Variants in LRRC70 observed in about 807,000 individuals in gnomAD.
The protein encoded by LRRC70 is leucine rich repeat containing 70.
Under a neutral mutation model 42.4 loss-of-function variants are expected in LRRC70, and 31 were observed. That is an observed-to-expected ratio of 0.73 (90% confidence interval 0.55 to 0.99). The LOEUF (loss-of-function observed/expected upper bound fraction) is 0.99, where lower values mean the gene tolerates loss of function less well. Among genes scored for constraint, LRRC70 ranks in the 50% least tolerant of loss-of-function variants. LRRC70 has a pLI of 0.00. For synonymous variants in LRRC70, 270 were observed against 262.9 expected, an observed-to-expected ratio of 1.03 and a Z score of -0.26; for missense variants, 643 against 707.5, an observed-to-expected ratio of 0.91 and a Z score of 1.03.
chr5:62,579,047 A>T (rs1580345650), intron 1 of LRRC70, 112 bp downstream of exon 1: 2 of 240,510 alleles, frequency 8.3e-6, no homozygotes, highest in East Asian at 2.4e-4. Flanking sequence ...TTCATAAATT[A>T]TAATGTTATT....
Position 62,579,490 on chromosome 5 carries a change from A to G in LRRC70, c.52A>G (p.Thr18Ala), listed in dbSNP as rs918530332. The G allele has an allele frequency of 1.3e-6, 2 of 1,550,648 alleles. No homozygotes were observed. Among genetic ancestry groups the G allele is most frequent in the African/African-American group, 2.7e-5 (2 of 72,978 alleles). ...TTGCCTACGACTGTTTCTGGTTGTT[A>G]CCTGTTATCTTTTATTATTACTCCA... ...LPCLRLFLVV[T>A]CYLLLLLHKE... The change falls in exon 2 of 2, where the codon ACC becomes GCC. Residue 18 changes from threonine to alanine, a missense_variant. Thr to Ala is a moderately conservative substitution (Grantham distance 58). Coordinates refer to ENST00000334994, the MANE Select transcript of LRRC70 (RefSeq NM_181506.5).
In LRRC70 at chr5:62,581,134, A is replaced by G; in HGVS notation, c.1696A>G (p.Arg566Gly). 6.5e-7 allele frequency: 1 copy of G among 1,550,258 alleles called. No homozygotes were observed. Among genetic ancestry groups the G allele is most frequent in the Non-Finnish European group, 8.7e-7 (1 of 1,146,522 alleles). ...GGCATCAGAAAACTCAAGGGAAAAT[A>G]GACTTGAATACTACAGCTTTTATCA... ...LKASENSREN[R>G]LEYYSFYQSA... is the part of the protein sequence containing the mutation. The change falls in exon 2 of 2, where the codon AGA becomes GGA. Residue 566 changes from arginine (R) to glycine (G), a missense_variant. Transcript: ENST00000334994.
chr5:62,581,057 T>C lies in LRRC70; in HGVS notation c.1619T>C (p.Val540Ala). Residue 540 changes from valine (V) to alanine (A), a missense_variant, in exon 2 of 2, where the codon GTT becomes GCT. Val to Ala is a moderately conservative substitution (Grantham distance 64). Transcript: ENST00000334994. ...ILLAFFILAC[V>A]LIIFLIYKVV... The stretch of plus-strand genomic sequence containing the variant: ...CTAGCTTTTTTCATCTTAGCTTGTG[T>C]TTTAATCATTTTTTTGATCTACAAA... The C allele has an allele frequency of 1.9e-6, 3 of 1,549,864 alleles. No individual in the cohort carries two copies. Among genetic ancestry groups the C allele is most frequent in the Non-Finnish European group, 2.6e-6 (3 of 1,146,544 alleles).
In LRRC70 at chr5:62,579,430, A is replaced by T; in HGVS notation, c.-9A>T. The T allele has an allele frequency of 1.9e-6, 3 of 1,550,586 alleles. No individual in the cohort carries two copies. The highest frequency in any genetic ancestry group is 2.6e-6 in the Non-Finnish European group (3 of 1,146,164). On this transcript the variant is annotated 5_prime_UTR_variant, in exon 2 of 2. Coordinates refer to ENST00000334994, the MANE Select transcript of LRRC70 (RefSeq NM_181506.5). ...TTCTGATCTGAACAGAAAATCCAAGAACAGGGATATGTGTGGATTACAGTT... is the reference window on the plus strand; with the variant it reads ...TTCTGATCTGAACAGAAAATCCAAGTACAGGGATATGTGTGGATTACAGTT...
chr5:62,579,460 C>T lies in LRRC70; in HGVS notation c.22C>T (p.Leu8=). The T allele has an allele frequency of 1.9e-6, 3 of 1,550,800 alleles. No individual in the cohort carries two copies. Among genetic ancestry groups the T allele is most frequent in the Non-Finnish European group, 2.6e-6 (3 of 1,146,384 alleles). MCGLQFS[L]PCLRLFLVVT... Reference sequence around the variant, plus strand: ...GGATATGTGTGGATTACAGTTTTCTCTGCCTTGCCTACGACTGTTTCTGGT... The same window carrying T: ...GGATATGTGTGGATTACAGTTTTCTTTGCCTTGCCTACGACTGTTTCTGGT... The change falls in exon 2 of 2, where the codon CTG becomes TTG. Residue 8 remains leucine (L), a synonymous_variant. Coordinates refer to ENST00000334994, the MANE Select transcript of LRRC70 (RefSeq NM_181506.5).
At position 62,581,222 on chromosome 5, in the gene LRRC70, C is replaced by A. The variant is rs1744547417; in HGVS notation, c.1784C>A (p.Pro595His). Residue 595 changes from proline to histidine, a missense_variant, in exon 2 of 2, where the codon CCT (proline) becomes CAT (histidine). Physicochemically the swap from Pro to His is moderately conservative, Grantham distance 77 (BLOSUM62 -2). Transcript: ENST00000334994. Reference sequence around the variant, plus strand: ...ACTTCCCCAAATTCTCTAGAAAGTCCTGGCTTGGAGCAGATTCGACTTCAT... The same window carrying A: ...ACTTCCCCAAATTCTCTAGAAAGTCATGGCTTGGAGCAGATTCGACTTCAT... Reference protein sequence around the residue: ...CNTSPNSLESPGLEQIRLHKQ... With the variant: ...CNTSPNSLESHGLEQIRLHKQ... The A allele has an allele frequency of 1.3e-6, 2 of 1,550,012 alleles. No individual in the cohort carries two copies. Among genetic ancestry groups the A allele is most frequent in the African/African-American group, 2.7e-5 (2 of 72,942 alleles).
Position 62,579,901 on chromosome 5 carries a change from C to G in LRRC70, c.463C>G (p.Leu155Val), listed in dbSNP as rs544594047. Residue 155 changes from leucine to valine, a missense_variant, in exon 2 of 2, where the codon CTA becomes GTA. Leu to Val is a conservative substitution (Grantham distance 32, BLOSUM62 1). Transcript: ENST00000334994. ...SFVPRGVFND[L>V]VSVQYLNLQR... ...TGTTCCGAGAGGAGTATTTAATGAT[C>G]TAGTTTCAGTTCAGTACTTAAATCT... The G allele has an allele frequency of 1.9e-6, 3 of 1,551,070 alleles. No homozygotes were observed. Among genetic ancestry groups the G allele is most frequent in the East Asian group, 2.4e-5 (1 of 40,886 alleles).
chr5:62,581,367 C>A lies in LRRC70; in HGVS notation c.*60C>A, dbSNP rs1744553940. Reference sequence around the variant, plus strand: ...CCATGGACATGATTTAAACTGAAACCTCCTTATATAATTATATACTTTAGT... The same window carrying A: ...CCATGGACATGATTTAAACTGAAACATCCTTATATAATTATATACTTTAGT... On this transcript the variant is annotated 3_prime_UTR_variant, in exon 2 of 2. Transcript: ENST00000334994. The A allele has an allele frequency of 8.2e-7, 1 of 1,218,272 alleles. No individual in the cohort carries two copies. The highest frequency in any genetic ancestry group is 3.4e-5 in the Admixed American group (1 of 29,846). 75.5% of individuals were successfully genotyped at this position (1,218,272 alleles called of 1,614,324 possible).
chr5:62,581,126 G>A lies in LRRC70; in HGVS notation c.1688G>A (p.Arg563Lys). ...AAACTAAAGGCATCAGAAAACTCAA[G>A]GGAAAATAGACTTGAATACTACAGC... ...KQKLKASENS[R>K]ENRLEYYSFY... The change falls in exon 2 of 2, where the codon AGG (arginine) becomes AAG (lysine). Residue 563 changes from arginine (R) to lysine (K), a missense_variant. Physicochemically the swap from Arg to Lys is conservative, Grantham distance 26 (BLOSUM62 2). Coordinates refer to ENST00000334994, the MANE Select transcript of LRRC70 (RefSeq NM_181506.5). The A allele has an allele frequency of 6.5e-7, 1 of 1,549,898 alleles. No individual in the cohort carries two copies. The highest frequency in any genetic ancestry group is 8.7e-7 in the Non-Finnish European group (1 of 1,146,456).
At position 62,580,782 on chromosome 5, in the gene LRRC70, G is replaced by A. The variant is rs781079516; in HGVS notation, c.1344G>A (p.Glu448=). The A allele has an allele frequency of 1.9e-6, 3 of 1,551,410 alleles. No individual in the cohort carries two copies. In the South Asian group the frequency reaches 3.6e-5, roughly 18 times the overall value. The part of the protein sequence containing the change: ...TTNGSPLENT[E]TENITFWERI... Reference sequence around the variant, plus strand: ...ATGGCAGTCCTCTGGAAAATACTGAGACTGAGAACATTACTTTCTGGGAAC... The same window carrying A: ...ATGGCAGTCCTCTGGAAAATACTGAAACTGAGAACATTACTTTCTGGGAAC... Residue 448 remains glutamate, a synonymous_variant, in exon 2 of 2, where the codon GAG becomes GAA. Coordinates refer to ENST00000334994, the MANE Select transcript of LRRC70 (RefSeq NM_181506.5).
In LRRC70 at chr5:62,580,668, T is replaced by G. The variant is rs1232815231; in HGVS notation, c.1230T>G (p.Asn410Lys). Residue 410 changes from asparagine (N) to lysine (K), a missense_variant, in exon 2 of 2, where the codon AAT (asparagine) becomes AAG (lysine). Physicochemically the swap from Asn to Lys is moderately conservative, Grantham distance 94. Transcript: ENST00000334994. ...CAAATTGTGTTACATCTTCAATAAATGTATCCAGAGCTTGGGCTGTTGTAA... is the reference window on the plus strand; with the variant it reads ...CAAATTGTGTTACATCTTCAATAAAGGTATCCAGAGCTTGGGCTGTTGTAA... ...NITNCVTSSI[N>K]VSRAWAVVKS... 6.4e-7 allele frequency: 1 copy of G among 1,551,528 alleles called. No individual in the cohort carries two copies. Among genetic ancestry groups the G allele is most frequent in the Admixed American group, 2.0e-5 (1 of 50,992 alleles).
chr5:62,580,585 A>T lies in LRRC70; in HGVS notation c.1147A>T (p.Ile383Phe). ...WLASSAITLN[I>F]YCQNPPSMRG... is the part of the protein sequence containing the mutation. ...AGCATCTTCAGCCATTACTCTAAAC[A>T]TCTATTGTCAGAATCCCCCATCCAT... The change falls in exon 2 of 2, where the codon ATC becomes TTC. Residue 383 changes from isoleucine to phenylalanine, a missense_variant. By Grantham distance (21) the Ile-to-Phe change is conservative. Transcript: ENST00000334994. 2 of 1,551,462 alleles carry T rather than the reference A, an allele frequency of 1.3e-6. No individual in the cohort carries two copies. Among genetic ancestry groups the T allele is most frequent in the Non-Finnish European group, 1.7e-6 (2 of 1,146,814 alleles).
chr5:62,579,924 T>C lies in LRRC70; in HGVS notation c.486T>C (p.Asn162=). 6.4e-7 allele frequency: 1 copy of C among 1,551,326 alleles called. No individual in the cohort carries two copies. Among genetic ancestry groups the C allele is most frequent in the Non-Finnish European group, 8.7e-7 (1 of 1,146,738 alleles). Residue 162 remains asparagine, a synonymous_variant, in exon 2 of 2, where the codon AAT becomes AAC. Coordinates refer to ENST00000334994, the MANE Select transcript of LRRC70 (RefSeq NM_181506.5). ...ATCTAGTTTCAGTTCAGTACTTAAATCTACAAAGGAATCGCCTCACTGTCC... is the reference window on the plus strand; with the variant it reads ...ATCTAGTTTCAGTTCAGTACTTAAACCTACAAAGGAATCGCCTCACTGTCC... ...FNDLVSVQYL[N]LQRNRLTVLG... is the part of the protein sequence containing the mutation.
Position 62,579,429 on chromosome 5 carries a change from G to T in LRRC70, c.-10G>T. On this transcript the variant is annotated 5_prime_UTR_variant, in exon 2 of 2. Transcript: ENST00000334994. ...ATTCTGATCTGAACAGAAAATCCAAGAACAGGGATATGTGTGGATTACAGT... is the reference window on the plus strand; with the variant it reads ...ATTCTGATCTGAACAGAAAATCCAATAACAGGGATATGTGTGGATTACAGT... The T allele has an allele frequency of 6.4e-7, 1 of 1,550,468 alleles. No individual in the cohort carries two copies. Among genetic ancestry groups the T allele is most frequent in the South Asian group, 1.2e-5 (1 of 83,992 alleles).
At position 62,579,636 on chromosome 5, in the gene LRRC70, T is replaced by C; in HGVS notation, c.198T>C (p.Tyr66=). 1 of 1,549,934 alleles carries C rather than the reference T, an allele frequency of 6.5e-7. No individual in the cohort carries two copies. Residue 66 remains tyrosine, a synonymous_variant, in exon 2 of 2, where the codon TAT becomes TAC. Coordinates refer to ENST00000334994, the MANE Select transcript of LRRC70 (RefSeq NM_181506.5). ...TTCCTGAAAGTACAGTTTTTCTGTATCTGACTGGGAATAATATATCTTATA... is the reference window on the plus strand; with the variant it reads ...TTCCTGAAAGTACAGTTTTTCTGTACCTGACTGGGAATAATATATCTTATA... ...KNFPESTVFL[Y]LTGNNISYIN... is the part of the protein sequence containing the mutation.
rs1450612136 is a variant in LRRC70, at chr5:62,581,059, T to C, written c.1621T>C (p.Leu541=). The C allele has an allele frequency of 2.6e-6, 4 of 1,549,786 alleles. No individual in the cohort carries two copies. Among genetic ancestry groups the C allele is most frequent in the Non-Finnish European group, 3.5e-6 (4 of 1,146,544 alleles). The part of the protein sequence containing the change: ...LLAFFILACV[L]IIFLIYKVVQ... ...AGCTTTTTTCATCTTAGCTTGTGTT[T>C]TAATCATTTTTTTGATCTACAAAGT... Residue 541 remains leucine, a synonymous_variant, in exon 2 of 2, where the codon TTA becomes CTA. Coordinates refer to ENST00000334994, the MANE Select transcript of LRRC70 (RefSeq NM_181506.5).
rs1744491227 is a variant in LRRC70 at position 62,580,102 on chromosome 5, A to G, written c.664A>G (p.Asn222Asp). The G allele has an allele frequency of 4.5e-6, 7 of 1,551,064 alleles. No homozygotes were observed. Among genetic ancestry groups the G allele is most frequent in the Non-Finnish European group, 6.1e-6 (7 of 1,146,566 alleles). Residue 222 changes from asparagine to aspartate, a missense_variant, in exon 2 of 2, where the codon AAT becomes GAT. By Grantham distance (23) the Asn-to-Asp change is conservative. Coordinates refer to ENST00000334994, the MANE Select transcript of LRRC70 (RefSeq NM_181506.5). ...GSNNLTKVPS[N>D]AFEVLKSLRR... ...TAATAATTTAACAAAAGTACCATCAAATGCCTTTGAAGTACTTAAAAGTCT... is the reference window on the plus strand; with the variant it reads ...TAATAATTTAACAAAAGTACCATCAGATGCCTTTGAAGTACTTAAAAGTCT...
rs954391136 is a variant in LRRC70, at chr5:62,579,696, T to C, written c.258T>C (p.Leu86=). ...GTGAATTAACAGGACTTCATTCTCT[T>C]GTAGCATTGTATTTGGATAATTCTA... The part of the protein sequence containing the change: ...NESELTGLHS[L]VALYLDNSNI... The change falls in exon 2 of 2, where the codon CTT becomes CTC. Residue 86 remains leucine, a synonymous_variant. Transcript: ENST00000334994. 4 of 1,548,546 alleles carry C rather than the reference T, an allele frequency of 2.6e-6. No individual in the cohort carries two copies. In the African/African-American group the frequency reaches 5.5e-5, roughly 21 times the overall value.
In LRRC70 at chr5:62,580,209, C is replaced by T. The variant is rs1203068046; in HGVS notation, c.771C>T (p.Leu257=). 3.2e-6 allele frequency: 5 copies of T among 1,551,000 alleles called. No homozygotes were observed. The highest frequency in any genetic ancestry group is 2.4e-5 in the South Asian group (2 of 84,036). The change falls in exon 2 of 2, where the codon CTC becomes CTT. Residue 257 remains leucine (L), a synonymous_variant. Transcript: ENST00000334994. The stretch of plus-strand genomic sequence containing the variant: ...AAGGACTTGCCAATCTGGAATACCT[C>T]CTCCTGAAAAATTCAAGAATTAGGA... ...AFKGLANLEY[L]LLKNSRIRNV... is the part of the protein sequence containing the mutation.
Sources: gnomAD v4.1 joint callset for allele counts on GRCh38, gnomAD v4.1.1 for gene constraint, MANE v1.5 for transcripts, NCBI Gene and HGNC (gene_info 2026-07-23, HGNC 2026-07-21) for gene names.